Variants in AEBP2 observed in about 807,000 individuals in gnomAD.
The protein encoded by AEBP2 is zinc finger protein AEBP2.
AEBP2 carries 10 observed loss-of-function variants against 50.8 expected under a neutral mutation model. That is an observed-to-expected ratio of 0.20 (90% CI 0.12 to 0.33). AEBP2 has a LOEUF of 0.33. Ranked by LOEUF, AEBP2 falls within the 10% of genes least tolerant of loss-of-function variation. The pLI is 1.00. For synonymous variants in AEBP2, 296 were observed against 261.3 expected (o/e 1.13, Z -1.28); for missense variants, 570 against 688.0 (o/e 0.83, Z 1.92).
At chr12:19,410,981 T>TA (rs1314462789) in intron 1 of AEBP2, among the ~76,000 whole-genome samples, 3 of 152,074 alleles carry the variant, frequency 2.0e-5, no homozygotes, top group Middle Eastern at 3.2e-3. Flanking sequence ...AAACTTAACT[T>TA]CCATATCAAT....
intron 1 of AEBP2, chr12:19,457,533 A>G (rs930877703): frequency 1.8e-4 from 266 of 1,483,638 alleles, no homozygotes; most frequent in South Asian, 8.9e-4. Context: ...AATTTTTTCA[A>G]TGGTTCTTTT....
chr12:19,486,309 G>C (rs1432730036), intron 3 of AEBP2, among the ~76,000 whole-genome samples: 1 of 152,074 alleles, frequency 6.6e-6, no homozygotes, highest in South Asian at 2.1e-4. Flanking sequence ...TAAAAACATT[G>C]CTCTGTAGTA....
chr12:19,430,739 A>T (rs1302238756), intron 1 of AEBP2, among the ~76,000 whole-genome samples: 1 of 152,176 alleles, frequency 6.6e-6, no homozygotes, highest in African/African-American at 2.4e-5. Flanking sequence ...CTTTGAAGCA[A>T]TTGTGAATGG....
chr12:19,470,540 TA>T (rs1948555632), intron 2 of AEBP2, among the ~76,000 whole-genome samples: 1 of 152,208 alleles, frequency 6.6e-6, no homozygotes, highest in African/African-American at 2.4e-5. Context: ...TCATTTGGTA[TA>T]AAATTCACTA....
chr12:19,432,377 A>G (rs866455621), intron 1 of AEBP2, among the ~76,000 whole-genome samples: 1 of 152,110 alleles, frequency 6.6e-6, no homozygotes. Flanking sequence ...TGACTGTACT[A>G]TGACTTTGGC....
intron 1 of AEBP2, among the ~76,000 whole-genome samples, chr12:19,410,486 C>T (rs1229760148): frequency 6.6e-6 from 1 of 152,072 alleles, no homozygotes; most frequent in Non-Finnish European, 1.5e-5. Flanking sequence ...ACCTGCATTG[C>T]GTCTGGCCCT....
At chr12:19,456,235 G>A (rs1436508278) in intron 1 of AEBP2, 10 of 1,502,552 alleles carry the variant, frequency 6.7e-6, no homozygotes, top group African/African-American at 1.4e-5. Context: ...GCAGGTATTA[G>A]GGATAATATT....
intron 5 of AEBP2, 97 bp downstream of exon 5, chr12:19,500,318 A>G (rs907246906): frequency 1.2e-5 from 14 of 1,173,318 alleles, no homozygotes; most frequent in South Asian, 1.1e-4. Context: ...AGAAAGTACA[A>G]TTTAACAGAA....
intron 6 of AEBP2, among the ~76,000 whole-genome samples, chr12:19,513,146 C>G (rs1949261501): frequency 6.6e-6 from 1 of 152,078 alleles, no homozygotes. Context: ...AAGCAGTATA[C>G]AAGCAGCCAT....
chr12:19,440,737 T>C (rs1267027049), intron 1 of AEBP2: 1 of 1,533,514 alleles, frequency 6.5e-7, no homozygotes, highest in Admixed American at 2.0e-5. Context: ...GGTTAGCTTC[T>C]TCCAACCGTG....
intron 1 of AEBP2, among the ~76,000 whole-genome samples, chr12:19,434,149 CTA>C (rs1319903179): frequency 4.7e-5 from 7 of 150,324 alleles, no homozygotes; most frequent in Admixed American, 4.0e-4. Context: ...CCAGCCAACT[CTA>C]GTTTTTTTAT....
At chr12:19,469,376 A>G (rs909712117) in intron 2 of AEBP2, among the ~76,000 whole-genome samples, 18 of 152,218 alleles carry the variant, frequency 1.2e-4, no homozygotes, top group Admixed American at 7.9e-4. Context: ...CTGAGATAAT[A>G]TAACATCTTA....
chr12:19,517,424 G>T (rs548068641), intron 7 of AEBP2, among the ~76,000 whole-genome samples: 2 of 152,188 alleles, frequency 1.3e-5, no homozygotes, highest in African/African-American at 4.8e-5. Context: ...AGGGGAAAAA[G>T]ATAACAATAC....
upstream of AEBP2, among the ~76,000 whole-genome samples, chr12:19,438,114 C>T (rs1164146691): frequency 6.6e-6 from 1 of 152,116 alleles, no homozygotes; most frequent in Non-Finnish European, 1.5e-5. Context: ...GTGCAATACC[C>T]GGTTATGCAA....
intron 1 of AEBP2, among the ~76,000 whole-genome samples, chr12:19,410,810 AAACATTTGTAAGACCG>A (rs2095738885): frequency 6.6e-6 from 1 of 152,222 alleles, no homozygotes; most frequent in South Asian, 2.1e-4. Flanking sequence ...CGGGAGCAGG[AAACATTTGTAAGACCG>A]TTTAATGCTT....
intron 1 of AEBP2, among the ~76,000 whole-genome samples, chr12:19,453,710 C>T (rs937650635): frequency 8.5e-5 from 13 of 152,218 alleles, no homozygotes; most frequent in Admixed American, 7.2e-4. Context: ...AGGCGTGAGC[C>T]ACCGCACCCG....
rs116503934 is a variant in AEBP2 at position 19,488,553 on chromosome 12, T to C, written c.988-5247T>C. Among the ~76,000 whole-genome samples the C allele has an allele frequency of 6.2e-3, 941 of 152,286 alleles. 13 individuals carry two copies. Among genetic ancestry groups the C allele is most frequent in the African/African-American group, 0.021 (878 of 41,552 alleles). The stretch of plus-strand genomic sequence containing the variant: ...GAAACCAAGAAATCAACATTTCTTT[T>C]TGGAATTTTTCTTCCTTTAGATCGC... On this transcript the variant is annotated intron_variant, in intron 3 of 7. Transcript: ENST00000266508.
intron 3 of AEBP2, among the ~76,000 whole-genome samples, chr12:19,481,579 A>G (rs1382716456): frequency 6.6e-6 from 1 of 151,818 alleles, no homozygotes; most frequent in Non-Finnish European, 1.5e-5. Flanking sequence ...CCTGGGTTCA[A>G]GTGATTCTCA....
intron 1 of AEBP2, among the ~76,000 whole-genome samples, chr12:19,447,919 C>T (rs1175914283): frequency 1.3e-5 from 2 of 152,148 alleles, no homozygotes; most frequent in Admixed American, 1.3e-4. Flanking sequence ...TTGGCAAGTA[C>T]TTTAAATACA....
Sources: gnomAD v4.1 joint callset for allele counts (sites outside exome capture counted in the v4.1 genomes callset) on GRCh38, gnomAD v4.1.1 for gene constraint, MANE v1.5 for transcripts, NCBI Gene and HGNC (gene_info 2026-07-23, HGNC 2026-07-21) for gene names.